Variants in TLR5 observed in about 807,000 individuals in gnomAD.
TLR5 encodes toll like receptor 5, also known as toll-like receptor 5.
For missense variants in TLR5, 944 were observed against 999.8 expected, an observed-to-expected ratio of 0.94 and a Z score of 0.75; for synonymous variants, 373 against 384.4, an observed-to-expected ratio of 0.97 and a Z score of 0.35.
chr1:223,131,707 G>T lies in TLR5; in HGVS notation c.-5+768C>A, dbSNP rs1657401713. Among the ~76,000 whole-genome samples the T allele has an allele frequency of 6.6e-6, 1 of 152,084 alleles. No individual in the cohort carries two copies. The highest frequency in any genetic ancestry group is 2.4e-5 in the African/African-American group (1 of 41,424). On this transcript the variant is annotated intron_variant, in intron 5 of 5. Transcript: ENST00000642603. The surrounding 1 kb of genome is among the most constrained non-coding windows in gnomAD (Gnocchi z 4.2). ...GCTTCCCAAGTAGTTGGGACTACAG[G>T]CTTGTACCACCATGCCCAGCTAATT...
chr1:223,110,181 G>T lies in TLR5; in HGVS notation c.*274C>A, dbSNP rs1451987765. 6.2e-6 allele frequency: 3 copies of T among 482,092 alleles called. No homozygotes were observed. Among genetic ancestry groups the T allele is most frequent in the Non-Finnish European group, 1.1e-5 (3 of 268,496 alleles). 29.9% of individuals were successfully genotyped at this position (482,092 alleles called of 1,614,324 possible). A position where few individuals can be genotyped will look rare whatever the true frequency, so the allele number is the denominator to read the frequency against. On this transcript the variant is annotated 3_prime_UTR_variant, in exon 6 of 6. Coordinates refer to ENST00000642603, the MANE Select transcript of TLR5 (RefSeq NM_003268.6). ...TAGGATACATTCCATAATCAACACA[G>T]CAGGACAGAACGGTATTATTGGATC... is the stretch of plus-strand genomic sequence containing the variant.
chr1:223,122,255 G>T (rs1656984609), intron 5 of TLR5, among the ~76,000 whole-genome samples: 1 of 152,208 alleles, frequency 6.6e-6, no homozygotes, highest in South Asian at 2.1e-4. Flanking sequence ...GGGCAGAATA[G>T]AATCTATGAA....
In TLR5 at chr1:223,110,992, C is replaced by T. The variant is rs944120539; in HGVS notation, c.2040G>A (p.Lys680=). The T allele has an allele frequency of 5.6e-6, 9 of 1,614,100 alleles. No homozygotes were observed. The highest frequency in any genetic ancestry group is 1.7e-5 in the Admixed American group (1 of 60,006). The change falls in exon 6 of 6, where the codon AAG becomes AAA. Residue 680 remains lysine (K), a synonymous_variant. Transcript: ENST00000642603. ...CYKTAQRLVF[K]DHPQGTEPDM... is the part of the protein sequence containing the mutation. ...CAGGTTCTGTGCCCTGGGGATGGTC[C>T]TTGAACACCAGTCTCTGGGCTGTCT...
At chr1:223,116,915 G>C (rs776234681) in intron 5 of TLR5, among the ~76,000 whole-genome samples, 2 of 152,186 alleles carry the variant, frequency 1.3e-5, no homozygotes, top group Non-Finnish European at 1.5e-5. Context: ...TGGATCCCGC[G>C]TCAGGGCTAG....
Position 223,131,534 on chromosome 1 carries a change from A to T in TLR5, c.-5+941T>A, listed in dbSNP as rs1240550911. ...CCTCTGCCATGAGAATTCTACATGCACTTCTCACACTTCTATGTGCACTAG... is the reference window on the plus strand; with the variant it reads ...CCTCTGCCATGAGAATTCTACATGCTCTTCTCACACTTCTATGTGCACTAG... On this transcript the variant is annotated intron_variant, in intron 5 of 5. Coordinates refer to ENST00000642603, the MANE Select transcript of TLR5 (RefSeq NM_003268.6). The surrounding 1 kb of genome is among the most constrained non-coding windows in gnomAD (Gnocchi z 4.2). 6.6e-6 allele frequency among the ~76,000 whole-genome samples: 1 copy of T among 152,088 alleles called. No homozygotes were observed. Among genetic ancestry groups the T allele is most frequent in the African/African-American group, 2.4e-5 (1 of 41,392 alleles).
intron 1 of TLR5, 51 bp from the exon 2 acceptor site, chr1:223,141,814 TATATATATAGAGAGAG>T (rs1189068157): frequency 0.018 from 838 of 46,682 alleles, 3 homozygotes; most frequent in Middle Eastern, 0.049. Flanking sequence ...TATATATATA[TATATATATAGAGAGAG>T]AGAGAGAGAG....
In TLR5 at chr1:223,113,170, G is replaced by A. The variant is rs538927593; in HGVS notation, c.-4-135C>T. 2.1e-4 allele frequency: 183 copies of A among 851,418 alleles called. 1 individual carries two copies. The South Asian group carries it at 2.4e-3, about 11-fold the overall frequency. The allele number at this position is 851,418 out of a possible 1,614,324, so 52.7% of individuals were successfully genotyped here. A position where few individuals can be genotyped will look rare whatever the true frequency, so the allele number is the denominator to read the frequency against. On this transcript the variant is annotated intron_variant, in intron 5 of 5. Transcript: ENST00000642603. ...CCTTCATTCCTCTGACTCCACAGAC[G>A]TGGCTGTTGGCAGATACAGACAAAA... is the stretch of plus-strand genomic sequence containing the variant.
At chr1:223,116,422 T>C (rs1037359592) in intron 5 of TLR5, among the ~76,000 whole-genome samples, 2 of 151,682 alleles carry the variant, frequency 1.3e-5, no homozygotes, top group East Asian at 3.9e-4. Context: ...CCATCCGGAG[T>C]TGTTCATTCC....
At chr1:223,117,105 G>A (rs1656701947) in intron 5 of TLR5, among the ~76,000 whole-genome samples, 1 of 152,182 alleles carries the variant, frequency 6.6e-6, no homozygotes, top group Admixed American at 6.5e-5. Context: ...CTGCCCTGCA[G>A]GCAGGCGGCT....
At chr1:223,132,096 C>T (rs1211211270) in intron 5 of TLR5, among the ~76,000 whole-genome samples, 1 of 152,046 alleles carries the variant, frequency 6.6e-6, no homozygotes, top group African/African-American at 2.4e-5. Flanking sequence ...GGCATGGTGG[C>T]TCATGCCTGT....
intron 5 of TLR5, among the ~76,000 whole-genome samples, chr1:223,126,008 C>A (rs911970848): frequency 6.6e-6 from 1 of 152,192 alleles, no homozygotes; most frequent in Admixed American, 6.5e-5. Context: ...TCTGGGTGTA[C>A]ACCCAAAAGA....
intron 5 of TLR5, among the ~76,000 whole-genome samples, chr1:223,116,802 A>G (rs1278051056): frequency 6.6e-6 from 1 of 152,204 alleles, no homozygotes; most frequent in Non-Finnish European, 1.5e-5. Context: ...ACAAACCTTG[A>G]GCTAGACACA....
In TLR5 at chr1:223,110,769, C is replaced by T. The variant is rs55870046; in HGVS notation, c.2263G>A (p.Val755Ile). The change falls in exon 6 of 6, where the codon GTT (valine) becomes ATT (isoleucine). Residue 755 changes from valine to isoleucine, a missense_variant. Coordinates refer to ENST00000642603, the MANE Select transcript of TLR5 (RefSeq NM_003268.6). ...QDAIWNSRKI[V>I]CLVSRHFLRD... The stretch of plus-strand genomic sequence containing the variant: ...AGGAAGTGTCTGCTCACAAGACAAA[C>T]GATCTTTCTACTGTTCCAGATGGCA... 6.8e-5 allele frequency: 109 copies of T among 1,614,098 alleles called. 1 individual carries two copies. Among genetic ancestry groups the T allele is most frequent in the South Asian group, 6.7e-4 (61 of 91,084 alleles).
At chr1:223,126,227 A>T (rs1657160880) in intron 5 of TLR5, among the ~76,000 whole-genome samples, 1 of 152,258 alleles carries the variant, frequency 6.6e-6, no homozygotes, top group South Asian at 2.1e-4. Flanking sequence ...TGAAGACATT[A>T]TGCTGAGTAA....
chr1:223,115,351 G>A (rs922352649), intron 5 of TLR5, among the ~76,000 whole-genome samples: 1 of 152,230 alleles, frequency 6.6e-6, no homozygotes, highest in Non-Finnish European at 1.5e-5. Context: ...CCGGGTTCAA[G>A]TGATCCTCCC....
intron 5 of TLR5, among the ~76,000 whole-genome samples, chr1:223,115,723 T>C (rs1229183819): frequency 2.0e-5 from 3 of 151,854 alleles, no homozygotes; most frequent in African/African-American, 7.3e-5. Context: ...AAAAAGGAGA[T>C]GGGGGTGCCA....
At chr1:223,136,491 A>G (rs1657618899) in intron 3 of TLR5, among the ~76,000 whole-genome samples, 1 of 152,224 alleles carries the variant, frequency 6.6e-6, no homozygotes, top group South Asian at 2.1e-4. Context: ...TATTTCTTGC[A>G]CATCTGTGCA....
rs753635054 is a variant in TLR5, at chr1:223,111,975, T to C, written c.1057A>G (p.Ser353Gly). The stretch of plus-strand genomic sequence containing the variant: ...TTAGGTAGTCCATAGAAATTCGAAC[T>C]GTAAAGTTCCCCCAGAAGGTTATAT... ...LSYNLLGELY[S>G]SNFYGLPKVA... The change falls in exon 6 of 6, where the codon AGT becomes GGT. Residue 353 changes from serine (S) to glycine (G), a missense_variant. Ser to Gly is a moderately conservative substitution (Grantham distance 56). Transcript: ENST00000642603. 2.4e-5 allele frequency: 39 copies of C among 1,614,082 alleles called. No individual in the cohort carries two copies. Among genetic ancestry groups the C allele is most frequent in the Middle Eastern group, 3.3e-4 (2 of 6,084 alleles).
At chr1:223,113,545 G>A (rs1656476438) in intron 5 of TLR5, among the ~76,000 whole-genome samples, 1 of 151,984 alleles carries the variant, frequency 6.6e-6, no homozygotes. Flanking sequence ...TGAATTTTCT[G>A]TATACTAGGC....
Sources: allele counts gnomAD v4.1 joint callset (sites outside exome capture counted in the v4.1 genomes callset), GRCh38; gene constraint gnomAD v4.1.1; non-coding constraint Gnocchi (gnomAD v3.1); transcripts MANE v1.5; gene names NCBI Gene and HGNC (gene_info 2026-07-23, HGNC 2026-07-21).